The following SOX5 variants were observed in gnomAD, a reference collection of about 807,000 sequenced individuals.
SOX5 encodes SRY-box transcription factor 5.
In SOX5, 9 loss-of-function variants were observed where a neutral mutation model predicts 92.0. The ratio of observed to expected loss-of-function variants is 0.10; its 90% CI spans 0.06 to 0.17. The LOEUF (loss-of-function observed/expected upper bound fraction) is 0.17, where lower values mean the gene tolerates loss of function less well. SOX5 is among the 10% of genes least tolerant of loss of function. The pLI, the probability that SOX5 is intolerant of heterozygous loss-of-function variation, is 1.00. For missense variants in SOX5, 642 were observed against 944.5 expected (o/e 0.68, Z 4.20); for synonymous variants, 344 against 336.3 (o/e 1.02, Z -0.25).
intron 4 of SOX5, among the ~76,000 whole-genome samples, chr12:24,046,281 G>A (rs1046608956): frequency 2.0e-5 from 3 of 152,118 alleles, no homozygotes; most frequent in East Asian, 1.9e-4. Context: ...AACTTGGGGC[G>A]GGTCTAAATT....
intron 3 of SOX5, among the ~76,000 whole-genome samples, chr12:24,276,885 A>C (rs2140370171): frequency 6.6e-6 from 1 of 152,280 alleles, no homozygotes; most frequent in Admixed American, 6.5e-5. Flanking sequence ...AAAAAGTAGC[A>C]ACAAATGTTT....
intron 4 of SOX5, among the ~76,000 whole-genome samples, chr12:24,079,031 A>C (rs1943000815): frequency 6.6e-6 from 1 of 151,928 alleles, no homozygotes; most frequent in Admixed American, 6.6e-5. Flanking sequence ...TACAGCAAAA[A>C]TTACAACTCT....
chr12:23,859,059 T>A (rs1248813000), intron 2 of SOX5, among the ~76,000 whole-genome samples: 1 of 152,106 alleles, frequency 6.6e-6, no homozygotes, highest in Admixed American at 6.5e-5. Flanking sequence ...ATGATTGCGT[T>A]AACTGTACAA....
rs117749453 is a variant in SOX5, at chr12:24,433,841, G to A, written c.-250-65202C>T. 2.0e-4 allele frequency among the ~76,000 whole-genome samples: 31 copies of A among 152,240 alleles called. No individual in the cohort carries two copies. In the East Asian group the frequency reaches 4.3e-3, roughly 21 times the overall value. On this transcript the variant is annotated intron_variant, in intron 1 of 4. Transcript: ENST00000446891. The stretch of plus-strand genomic sequence containing the variant: ...AGAACTCTGACAGTGCCATGGGTGC[G>A]GATGAGCAGGGACAGGTAGTCACAG...
chr12:23,794,415 A>T (rs1403566059), intron 3 of SOX5, among the ~76,000 whole-genome samples: 1 of 152,126 alleles, frequency 6.6e-6, no homozygotes, highest in Non-Finnish European at 1.5e-5. Context: ...CAGCTACTAT[A>T]TGTACCATTG....
At chr12:23,819,894 T>G (rs2096073190) in intron 3 of SOX5, among the ~76,000 whole-genome samples, 1 of 152,224 alleles carries the variant, frequency 6.6e-6, no homozygotes, top group Non-Finnish European at 1.5e-5. Context: ...TAAACATATG[T>G]GTGCATGTGT....
chr12:23,714,017 A>G (rs554778307), intron 6 of SOX5, among the ~76,000 whole-genome samples: 2 of 150,342 alleles, frequency 1.3e-5, no homozygotes, highest in South Asian at 4.2e-4. Flanking sequence ...GCTTGAACCT[A>G]GGGGGCAGAG....
intron 4 of SOX5, among the ~76,000 whole-genome samples, chr12:23,989,070 C>T (rs1479717699): frequency 6.6e-6 from 1 of 151,856 alleles, no homozygotes; most frequent in Non-Finnish European, 1.5e-5. Flanking sequence ...AAGGAAGTTT[C>T]GTCATGTGAA....
At chr12:24,368,234 C>T (rs541976262) in intron 2 of SOX5, 1 of 152,222 alleles carries the variant, frequency 6.6e-6, no homozygotes, top group East Asian at 1.9e-4. Context: ...GTGTGATGTG[C>T]TTTGGTGGCA....
intron 4 of SOX5, among the ~76,000 whole-genome samples, chr12:24,089,570 A>C (rs547797008): frequency 7.2e-5 from 11 of 152,288 alleles, no homozygotes; most frequent in African/African-American, 2.2e-4. Flanking sequence ...TATTTTTATA[A>C]TTAACTACAG....
chr12:23,714,738 T>G (rs907868600), intron 6 of SOX5, among the ~76,000 whole-genome samples: 7 of 152,104 alleles, frequency 4.6e-5, no homozygotes, highest in Non-Finnish European at 7.4e-5. Flanking sequence ...AAAAAGCCAA[T>G]GTAAAAAAAA....
chr12:24,207,273 T>C (rs921342301), intron 4 of SOX5, among the ~76,000 whole-genome samples: 2 of 152,166 alleles, frequency 1.3e-5, no homozygotes, highest in Non-Finnish European at 2.9e-5. Context: ...GGAAATGTAG[T>C]CTGAGATGTA....
chr12:23,957,327 A>G (rs1946394301), intron 4 of SOX5, among the ~76,000 whole-genome samples: 1 of 152,156 alleles, frequency 6.6e-6, no homozygotes, highest in African/African-American at 2.4e-5. Context: ...GACTAAGTTC[A>G]TCTATTTGTG....
intron 4 of SOX5, among the ~76,000 whole-genome samples, chr12:24,183,708 G>T (rs1955738798): frequency 6.6e-6 from 1 of 152,068 alleles, no homozygotes; most frequent in South Asian, 2.1e-4. Flanking sequence ...TTTTTATGTT[G>T]TTTTCCTATA....
intron 9 of SOX5, among the ~76,000 whole-genome samples, chr12:23,601,546 T>C (rs192706339): frequency 2.0e-5 from 3 of 152,234 alleles, no homozygotes; most frequent in Admixed American, 2.0e-4. Context: ...GACATGAACA[T>C]TTGCCAATAA....
intron 4 of SOX5, among the ~76,000 whole-genome samples, chr12:24,105,273 G>T (rs1479281029): frequency 6.6e-6 from 1 of 152,104 alleles, no homozygotes; most frequent in Non-Finnish European, 1.5e-5. Flanking sequence ...AGGCACGGTG[G>T]CTCACGCCTG....
intron 4 of SOX5, among the ~76,000 whole-genome samples, chr12:24,098,718 G>C (rs1593145179): frequency 6.6e-6 from 1 of 152,206 alleles, no homozygotes; most frequent in Admixed American, 6.5e-5. Flanking sequence ...AGCTTCTCCA[G>C]ACTCTCTCTC....
chr12:23,772,539 C>T (rs1379390979), intron 3 of SOX5, among the ~76,000 whole-genome samples: 1 of 152,130 alleles, frequency 6.6e-6, no homozygotes, highest in African/African-American at 2.4e-5. Context: ...GCAATGAAAA[C>T]CTTTTATATA....
In SOX5 at chr12:23,532,722, A is replaced by G. The variant is rs74615658; in HGVS notation, c.*1497T>C. On this transcript the variant is annotated 3_prime_UTR_variant, in exon 15 of 15. Coordinates refer to ENST00000451604, the MANE Select transcript of SOX5 (RefSeq NM_006940.6). ...CTACTTTTTATGGCATGAACTACATATGGCCCACACTTCTGAAATGCTAAA... is the reference window on the plus strand; with the variant it reads ...CTACTTTTTATGGCATGAACTACATGTGGCCCACACTTCTGAAATGCTAAA... 0.074 allele frequency: 11,391 copies of G among 153,080 alleles called. 583 individuals are homozygous for G. The highest frequency in any genetic ancestry group is 0.12 in the South Asian group (595 of 4,876). 9.5% of individuals were successfully genotyped at this position (153,080 alleles called of 1,614,324 possible). A position where few individuals can be genotyped will look rare whatever the true frequency, so the allele number is the denominator to read the frequency against.
Sources: allele counts gnomAD v4.1 joint callset (sites outside exome capture counted in the v4.1 genomes callset), GRCh38; gene constraint gnomAD v4.1.1; transcripts MANE v1.5; gene names NCBI Gene and HGNC (gene_info 2026-07-23, HGNC 2026-07-21).